The following POLR2B variants were observed in gnomAD, a reference collection of about 807,000 sequenced individuals.
POLR2B encodes DNA-directed RNA polymerase II subunit RPB2.
In POLR2B, 57 loss-of-function variants were observed where a neutral mutation model predicts 144.6. The ratio of observed to expected loss-of-function variants is 0.39; its 90% confidence interval spans 0.32 to 0.49. POLR2B has a LOEUF of 0.49. POLR2B is among the 20% of genes least tolerant of loss of function. POLR2B has a pLI of 0.83. For missense variants in POLR2B, 595 were observed against 1,467.4 expected (o/e 0.41, Z 9.71); for synonymous variants, 442 against 469.8 (o/e 0.94, Z 0.77).
intron 7 of POLR2B, among the ~76,000 whole-genome samples, chr4:57,000,607 T>G (rs972923206): frequency 1.3e-5 from 2 of 152,204 alleles, no homozygotes; most frequent in Non-Finnish European, 1.5e-5. Flanking sequence ...TCCTAAAGAC[T>G]TCAGTGTATA....
chr4:56,983,695 C>T (rs770346647), intron 1 of POLR2B, among the ~76,000 whole-genome samples: 5 of 151,862 alleles, frequency 3.3e-5, no homozygotes, highest in Admixed American at 6.6e-5. Context: ...ATTTTAGAGA[C>T]GGGGGTCTCG....
At position 57,017,487 on chromosome 4, in the gene POLR2B, GATTT is replaced by G. The variant is rs1723408442; in HGVS notation, c.2155-69_2155-66del. On this transcript the variant is annotated intron_variant, in intron 15 of 24. Coordinates refer to ENST00000314595, the MANE Select transcript of POLR2B (RefSeq NM_000938.3). This position sits in a 1 kb window ranked among gnomAD's most constrained non-coding sequence, Gnocchi z 4.8. ...GAGTTTTACCAATCATATTTCTTTT[GATTT>G]ATTGTCAGAGTCTTTTCCATTAGTG... The G allele has an allele frequency of 8.0e-7, 1 of 1,243,112 alleles. No individual in the cohort carries two copies. Among genetic ancestry groups the G allele is most frequent in the African/African-American group, 1.5e-5 (1 of 66,442 alleles). 77.0% of individuals were successfully genotyped at this position (1,243,112 alleles called of 1,614,324 possible). A position where few individuals can be genotyped will look rare whatever the true frequency, so the allele number is the denominator to read the frequency against.
At chr4:57,003,940 G>A (rs908318087) in intron 7 of POLR2B, among the ~76,000 whole-genome samples, 1 of 151,176 alleles carries the variant, frequency 6.6e-6, no homozygotes, top group Non-Finnish European at 1.5e-5. Context: ...CAGCCAGGGC[G>A]ACAGAGTGAG....
chr4:57,030,370 G>C lies in POLR2B; in HGVS notation c.3406G>C (p.Glu1136Gln), dbSNP rs781536371. 1 of 1,612,748 alleles carries C rather than the reference G, an allele frequency of 6.2e-7. No individual in the cohort carries two copies. The highest frequency in any genetic ancestry group is 8.5e-7 in the Non-Finnish European group (1 of 1,179,142). ...AIANTRTHTYECRGCRNKTQI... is the reference protein window; with the variant it reads ...AIANTRTHTYQCRGCRNKTQI... ...TGCCAACACCAGGACCCATACATAT[G>C]AATGCAGGGGCTGCCGCAATAAAAC... Residue 1136 changes from glutamate (E) to glutamine (Q), a missense_variant, in exon 24 of 25, where the codon GAA (glutamate) becomes CAA (glutamine). Around this residue, in one of 9 missense-constraint regions of POLR2B, gnomAD observed 45 missense variants for 80.9 expected, o/e 0.56. Coordinates refer to ENST00000314595, the MANE Select transcript of POLR2B (RefSeq NM_000938.3).
At chr4:57,010,184 C>T in intron 10 of POLR2B, 177 bp from the exon 11 acceptor site, 1 of 571,356 alleles carries the variant, frequency 1.8e-6, no homozygotes, top group East Asian at 2.8e-5. Context: ...ATTTGCCATC[C>T]CTGCTGCAAG....
intron 1 of POLR2B, among the ~76,000 whole-genome samples, chr4:56,985,855 G>C (rs1722309474): frequency 2.0e-5 from 3 of 152,214 alleles, no homozygotes; most frequent in Admixed American, 1.3e-4. Flanking sequence ...TTCAAGGAGA[G>C]GGTGCATAGA....
chr4:56,982,862 C>G (rs1722198110), intron 1 of POLR2B, among the ~76,000 whole-genome samples: 1 of 152,020 alleles, frequency 6.6e-6, no homozygotes, highest in African/African-American at 2.4e-5. Flanking sequence ...AACTGTTGTA[C>G]CCTCTGTTGT....
Position 57,030,264 on chromosome 4 carries a change from C to T in POLR2B, c.3300C>T (p.Ala1100=), listed in dbSNP as rs937550292. Residue 1100 remains alanine (A), a synonymous_variant, in exon 24 of 25, where the codon GCC becomes GCT. Coordinates refer to ENST00000314595, the MANE Select transcript of POLR2B (RefSeq NM_000938.3). ...ERDCQIAHGA[A]QFLRERLFEA... is the part of the protein sequence containing the mutation. ...ATTGTCAGATTGCCCATGGAGCAGCCCAGTTTTTAAGGGAAAGATTGTTTG... is the reference window on the plus strand; with the variant it reads ...ATTGTCAGATTGCCCATGGAGCAGCTCAGTTTTTAAGGGAAAGATTGTTTG... The T allele has an allele frequency of 6.2e-7, 1 of 1,613,942 alleles. No homozygotes were observed. The highest frequency in any genetic ancestry group is 8.5e-7 in the Non-Finnish European group (1 of 1,179,964).
At chr4:57,002,834 CCAAA>C (rs1331692017) in intron 7 of POLR2B, 3 of 149,376 alleles carry the variant, frequency 2.0e-5, no homozygotes, top group African/African-American at 7.4e-5. Flanking sequence ...AAAAAAAAAA[CCAAA>C]CAAACAAATT....
chr4:56,981,841 C>T (rs1382637579), intron 1 of POLR2B, among the ~76,000 whole-genome samples: 2 of 152,216 alleles, frequency 1.3e-5, no homozygotes, highest in African/African-American at 4.8e-5. Context: ...TGTTTCTACT[C>T]ATGCTACTAC....
intron 10 of POLR2B, among the ~76,000 whole-genome samples, chr4:57,008,328 G>A (rs1251180578): frequency 2.6e-5 from 4 of 151,508 alleles, no homozygotes; most frequent in African/African-American, 7.3e-5. Flanking sequence ...TCAGCCTCCC[G>A]AGTAGCTGGG....
intron 16 of POLR2B, among the ~76,000 whole-genome samples, chr4:57,019,750 TA>T (rs1723480543): frequency 7.4e-6 from 1 of 134,368 alleles, no homozygotes; most frequent in Non-Finnish European, 1.5e-5. Context: ...CCAGTTGTCC[TA>T]ATGATGTCTT....
rs552977208 is a variant in POLR2B, at chr4:57,030,123, T to C, written c.3240-81T>C. The C allele has an allele frequency of 4.5e-6, 5 of 1,123,300 alleles. No individual in the cohort carries two copies. The South Asian group carries it at 6.7e-5, about 15-fold the overall frequency. 69.6% of individuals were successfully genotyped at this position (1,123,300 alleles called of 1,614,324 possible). On this transcript the variant is annotated intron_variant, in intron 23 of 24. Transcript: ENST00000314595. ...CCTAGTTATCCGTCTTTGCAAATAT[T>C]ATTCTCCACCTTTGCCATTATTCAA...
At position 57,017,219 on chromosome 4, in the gene POLR2B, T is replaced by C; in HGVS notation, c.2132T>C (p.Ile711Thr). The change falls in exon 15 of 25, where the codon ATT becomes ACT. Residue 711 changes from isoleucine to threonine, a missense_variant. This residue lies in a region of POLR2B where 39 missense variants were observed against 174.3 expected (regional missense o/e 0.22). Coordinates refer to ENST00000314595, the MANE Select transcript of POLR2B (RefSeq NM_000938.3). The surrounding 1 kb of genome is among the most constrained non-coding windows in gnomAD (Gnocchi z 4.8). Reference sequence around the variant, plus strand: ...ATCCTTGGTGTCTGTGCATCTATTATTCCCTTTCCTGATCATAACCAGGTT... The same window carrying C: ...ATCCTTGGTGTCTGTGCATCTATTACTCCCTTTCCTGATCATAACCAGGTT... ...SMILGVCASI[I>T]PFPDHNQSPR... The C allele has an allele frequency of 6.2e-7, 1 of 1,611,574 alleles. No homozygotes were observed. Among genetic ancestry groups the C allele is most frequent in the Non-Finnish European group, 8.5e-7 (1 of 1,178,842 alleles).
intron 13 of POLR2B, among the ~76,000 whole-genome samples, chr4:57,013,723 G>A (rs1158163877): frequency 1.3e-5 from 2 of 152,024 alleles, no homozygotes; most frequent in African/African-American, 4.8e-5. Flanking sequence ...CACACAGTGT[G>A]TATTATGTAT....
At chr4:57,004,616 A>G (rs1722962418) in intron 7 of POLR2B, among the ~76,000 whole-genome samples, 1 of 152,134 alleles carries the variant, frequency 6.6e-6, no homozygotes, top group African/African-American at 2.4e-5. Context: ...TGACTATGAA[A>G]TTTCTGTAAA....
intron 1 of POLR2B, chr4:56,985,453 G>C (rs560097985): frequency 1.7e-5 from 17 of 985,398 alleles, no homozygotes; most frequent in Non-Finnish European, 1.7e-5. Flanking sequence ...CCCGACTTTC[G>C]GGCGGTGAGT....
Position 57,030,899 on chromosome 4 carries a change from A to G in POLR2B, c.3436A>G (p.Ile1146Val). The G allele has an allele frequency of 1.3e-6, 2 of 1,592,796 alleles. No homozygotes were observed. Among genetic ancestry groups the G allele is most frequent in the Non-Finnish European group, 1.7e-6 (2 of 1,160,594 alleles). Residue 1146 changes from isoleucine (I) to valine (V), a missense_variant and splice_region_variant, in exon 25 of 25, where the codon ATT (isoleucine) becomes GTT (valine). Physicochemically the swap from Ile to Val is conservative, Grantham distance 29. This residue lies in a region of POLR2B where 45 missense variants were observed against 80.9 expected (regional missense o/e 0.56). Transcript: ENST00000314595. ...ECRGCRNKTQ[I>V]SLVRMPYACK... The stretch of plus-strand genomic sequence containing the variant: ...ATTACCATTTGTTTTTTCTTTTCAG[A>G]TTTCTTTGGTGCGAATGCCTTACGC...
At chr4:56,989,573 A>G (rs1722449138) in intron 2 of POLR2B, among the ~76,000 whole-genome samples, 1 of 152,194 alleles carries the variant, frequency 6.6e-6, no homozygotes, top group South Asian at 2.1e-4. Context: ...GAGGCTGATG[A>G]TTAGTTGGAC....
Sources: gnomAD v4.1 joint callset for allele counts (sites outside exome capture counted in the v4.1 genomes callset) on GRCh38, gnomAD v4.1.1 for gene constraint, gnomAD v4.1.1 regional missense constraint, Gnocchi (gnomAD v3.1) non-coding constraint, MANE v1.5 for transcripts, NCBI Gene and HGNC (gene_info 2026-07-23, HGNC 2026-07-21) for gene names.